Variants in DOCK8 observed in about 807,000 individuals in gnomAD.
The protein encoded by DOCK8 is dedicator of cytokinesis 8.
Under a neutral mutation model 245.6 loss-of-function variants are expected in DOCK8, and 141 were observed. That is an observed-to-expected ratio of 0.57 (90% confidence interval 0.50 to 0.66). The LOEUF is 0.66. Ranked by LOEUF, DOCK8 falls within the 30% of genes least tolerant of loss-of-function variation. DOCK8 has a pLI of 0.00. For synonymous variants in DOCK8, 1,168 were observed against 970.2 expected (o/e 1.20, Z -3.79); for missense variants, 2,965 against 2,603.4 (o/e 1.14, Z -3.02).
At chr9:227,862 G>T (rs1246117224) in intron 1 of DOCK8, among the ~76,000 whole-genome samples, 1 of 152,140 alleles carries the variant, frequency 6.6e-6, no homozygotes, top group Non-Finnish European at 1.5e-5. Context: ...GATACGAAAA[G>T]ATAGGAGGGG....
At chr9:454,281 TATTC>T (rs2057559357) in intron 46 of DOCK8, 1 of 152,218 alleles carries the variant, frequency 6.6e-6, no homozygotes, top group Non-Finnish European at 1.5e-5. Flanking sequence ...TACAATATGA[TATTC>T]AGAGAGAGAG....
intron 9 of DOCK8, 133 bp from the exon 10 acceptor site, chr9:332,265 T>TA: frequency 6.2e-6 from 4 of 644,412 alleles, no homozygotes. Context: ...AATTTTTTAA[T>TA]AAAAAAATAT....
intron 1 of DOCK8, among the ~76,000 whole-genome samples, chr9:236,951 G>C (rs1251597976): frequency 6.6e-6 from 1 of 152,232 alleles, no homozygotes; most frequent in Non-Finnish European, 1.5e-5. Context: ...CTTCCCTGGG[G>C]AGGACTGCTT....
chr9:403,916 A>ATATGTG (rs2055251481), intron 26 of DOCK8, among the ~76,000 whole-genome samples: 3 of 78,030 alleles, frequency 3.8e-5, no homozygotes, highest in African/African-American at 1.6e-4. Context: ...ATATATATAT[A>ATATGTG]CATATATATA....
chr9:451,561 T>C (rs1389436764), intron 45 of DOCK8, among the ~76,000 whole-genome samples: 1 of 152,058 alleles, frequency 6.6e-6, no homozygotes, highest in Non-Finnish European at 1.5e-5. Flanking sequence ...AAGTGGAGGC[T>C]GCAGTGAGCA....
chr9:340,567 G>A (rs1333670662), intron 14 of DOCK8: 4 of 447,648 alleles, frequency 8.9e-6, no homozygotes, highest in South Asian at 6.1e-5. Flanking sequence ...GTTGCAGTGA[G>A]CCAAGATTGC....
At chr9:304,527 T>C (rs1479054002) in intron 4 of DOCK8, 54 bp from the exon 5 acceptor site, 4 of 1,611,110 alleles carry the variant, frequency 2.5e-6, no homozygotes, top group Non-Finnish European at 2.5e-6. Flanking sequence ...AATCTAATGG[T>C]TTGCCGCTCT....
intron 37 of DOCK8, among the ~76,000 whole-genome samples, chr9:432,683 C>A: frequency 6.6e-6 from 1 of 152,092 alleles, no homozygotes; most frequent in Non-Finnish European, 1.5e-5. Context: ...CCAGGAAAGC[C>A]TGCAGGGAGG....
chr9:435,293 GT>G (rs2056861711), intron 39 of DOCK8, among the ~76,000 whole-genome samples: 1 of 151,828 alleles, frequency 6.6e-6, no homozygotes, highest in African/African-American at 2.4e-5. Flanking sequence ...TTAAATTACT[GT>G]TTACAATAAT....
At chr9:298,736 C>G (rs770876995) in intron 4 of DOCK8, among the ~76,000 whole-genome samples, 6 of 151,398 alleles carry the variant, frequency 4.0e-5, no homozygotes, top group Non-Finnish European at 5.9e-5. Context: ...AAAAGTAATG[C>G]TAAAGCTGAT....
chr9:376,927 T>G, intron 19 of DOCK8, 50 bp from the exon 20 acceptor site: 1 of 1,511,752 alleles, frequency 6.6e-7, no homozygotes, highest in Admixed American at 1.8e-5. Flanking sequence ...AATCCACTGG[T>G]GAACATTGAT....
At chr9:441,514 A>C (rs1284018434) in intron 41 of DOCK8, 97 bp downstream of exon 41, 4 of 1,573,040 alleles carry the variant, frequency 2.5e-6, no homozygotes, top group African/African-American at 1.4e-5. Context: ...GGAGTGATTT[A>C]TCTTTAGCAC....
intron 1 of DOCK8, chr9:220,872 C>T (rs1423497675): frequency 1.1e-5 from 3 of 279,984 alleles, no homozygotes; most frequent in Admixed American, 9.8e-5. Flanking sequence ...AGGTGCGCAC[C>T]ACCACGCCCG....
At chr9:463,189 C>T (rs1211202010) in intron 46 of DOCK8, among the ~76,000 whole-genome samples, 1 of 151,686 alleles carries the variant, frequency 6.6e-6, no homozygotes, top group East Asian at 1.9e-4. Flanking sequence ...CCCAGGAGGT[C>T]GAAGTTTGCC....
chr9:336,068 C>G (rs1452987037), intron 11 of DOCK8, among the ~76,000 whole-genome samples: 1 of 152,126 alleles, frequency 6.6e-6, no homozygotes, highest in African/African-American at 2.4e-5. Flanking sequence ...GGCAGATCAC[C>G]CAAGGCAGAA....
intron 20 of DOCK8, among the ~76,000 whole-genome samples, 157 bp from the exon 21 acceptor site, chr9:379,614 G>A (rs2053657199): frequency 6.6e-6 from 1 of 152,182 alleles, no homozygotes; most frequent in African/African-American, 2.4e-5. Context: ...GGTACTCAGA[G>A]CCAGCATGCC....
intron 28 of DOCK8, among the ~76,000 whole-genome samples, chr9:411,616 C>G (rs1389380280): frequency 6.6e-6 from 1 of 152,020 alleles, no homozygotes; most frequent in African/African-American, 2.4e-5. Flanking sequence ...TAGCATTACC[C>G]TATACTAAAC....
chr9:433,748 C>T (rs2056799483), intron 37 of DOCK8, 127 bp from the exon 38 acceptor site: 7 of 775,874 alleles, frequency 9.0e-6, no homozygotes, highest in East Asian at 2.6e-5. Context: ...ATGACTCCGC[C>T]ATCCCTAGTC....
intron 8 of DOCK8, among the ~76,000 whole-genome samples, chr9:326,355 C>G (rs1418271448): frequency 6.6e-6 from 1 of 152,204 alleles, no homozygotes; most frequent in Non-Finnish European, 1.5e-5. Context: ...TTAATAATCA[C>G]TGAGATTTGT....
Sources: gnomAD v4.1 joint callset for allele counts (sites outside exome capture counted in the v4.1 genomes callset) on GRCh38, gnomAD v4.1.1 for gene constraint, MANE v1.5 for transcripts, NCBI Gene and HGNC (gene_info 2026-07-23, HGNC 2026-07-21) for gene names.